The following IMMP2L variants were observed in gnomAD, a reference collection of about 807,000 sequenced individuals.
IMMP2L encodes the protein mitochondrial inner membrane protease subunit 2.
In IMMP2L, 18 loss-of-function variants were observed where a neutral mutation model predicts 19.3. The ratio of observed to expected loss-of-function variants is 0.93; its 90% CI spans 0.64 to 1.38. The LOEUF is 1.38. Ranked by LOEUF, IMMP2L falls within the 40% of genes most tolerant of loss-of-function variation. The pLI is 0.00. For missense variants in IMMP2L, 233 were observed against 218.2 expected (o/e 1.07, Z -0.43); for synonymous variants, 76 against 73.0 (o/e 1.04, Z -0.21).
intron 3 of IMMP2L, among the ~76,000 whole-genome samples, chr7:111,118,066 G>A (rs572780487): frequency 6.6e-6 from 1 of 152,026 alleles, no homozygotes; most frequent in Admixed American, 6.6e-5. Context: ...TGCTCCTTTT[G>A]GAGGAACAGA....
intron 4 of IMMP2L, among the ~76,000 whole-genome samples, chr7:110,890,126 G>T (rs1451954351): frequency 1.3e-5 from 2 of 152,032 alleles, no homozygotes; most frequent in Non-Finnish European, 2.9e-5. Flanking sequence ...TCTCCCTACG[G>T]TTGCACTGTG....
In IMMP2L at chr7:110,870,405, G is replaced by A. The variant is rs1808411901; in HGVS notation, c.408+16188C>T. 6.6e-6 allele frequency among the ~76,000 whole-genome samples: 1 copy of A among 152,112 alleles called. No homozygotes were observed. Among genetic ancestry groups the A allele is most frequent in the African/African-American group, 2.4e-5 (1 of 41,432 alleles). Reference sequence around the variant, plus strand: ...TGTAGTAGGTGCCTATTATGAGCCAGCCAGGCACTGTGCTACAGCAGTGAA... The same window carrying A: ...TGTAGTAGGTGCCTATTATGAGCCAACCAGGCACTGTGCTACAGCAGTGAA... On this transcript the variant is annotated intron_variant, in intron 5 of 5. Coordinates refer to ENST00000405709, the MANE Select transcript of IMMP2L (RefSeq NM_032549.4). This position sits in a 1 kb window ranked among gnomAD's most constrained non-coding sequence, Gnocchi z 4.2.
At chr7:111,271,056 C>A (rs143081908) in intron 3 of IMMP2L, among the ~76,000 whole-genome samples, 1 of 152,084 alleles carries the variant, frequency 6.6e-6, no homozygotes, top group African/African-American at 2.4e-5. Flanking sequence ...GGGAGGGACC[C>A]AATGGGAGGT....
intron 3 of IMMP2L, among the ~76,000 whole-genome samples, chr7:111,144,915 C>T (rs1401881929): frequency 6.6e-6 from 1 of 152,020 alleles, no homozygotes; most frequent in Non-Finnish European, 1.5e-5. Flanking sequence ...GAAAGCAAAA[C>T]ATGAATATTG....
At chr7:111,104,195 C>T (rs1798288109) in intron 3 of IMMP2L, among the ~76,000 whole-genome samples, 1 of 151,598 alleles carries the variant, frequency 6.6e-6, no homozygotes, top group African/African-American at 2.4e-5. Flanking sequence ...TTACTATTCG[C>T]ATCTTGAGCC....
At chr7:111,237,122 C>G (rs904256998) in intron 3 of IMMP2L, among the ~76,000 whole-genome samples, 1 of 151,996 alleles carries the variant, frequency 6.6e-6, no homozygotes, top group Non-Finnish European at 1.5e-5. Flanking sequence ...CTTAAATATC[C>G]TAGTTGATGG....
intron 3 of IMMP2L, among the ~76,000 whole-genome samples, chr7:111,443,493 G>C (rs1422771420): frequency 1.3e-5 from 2 of 152,062 alleles, no homozygotes; most frequent in Admixed American, 1.3e-4. Flanking sequence ...AAGCAGCTTG[G>C]TGCAGCTAAG....
At chr7:111,437,318 G>A (rs1440142109) in intron 3 of IMMP2L, among the ~76,000 whole-genome samples, 1 of 151,712 alleles carries the variant, frequency 6.6e-6, no homozygotes, top group East Asian at 1.9e-4. Flanking sequence ...CATGCCACAT[G>A]CCTGTAATCC....
rs913367687 is a variant in IMMP2L at position 110,870,642 on chromosome 7, C to A, written c.408+15951G>T. On this transcript the variant is annotated intron_variant, in intron 5 of 5. Transcript: ENST00000405709. The surrounding 1 kb of genome is among the most constrained non-coding windows in gnomAD (Gnocchi z 4.2). ...TCCCTGAAGTGGGGAAAATAAAGAG[C>A]CAACCACACAAAGACCTAAAGGAAG... is the stretch of plus-strand genomic sequence containing the variant. 6.6e-5 allele frequency among the ~76,000 whole-genome samples: 10 copies of A among 151,972 alleles called. No homozygotes were observed. The highest frequency in any genetic ancestry group is 2.2e-4 in the African/African-American group (9 of 41,366).
chr7:110,889,512 A>G (rs1335742768), intron 4 of IMMP2L, among the ~76,000 whole-genome samples: 1 of 152,170 alleles, frequency 6.6e-6, no homozygotes, highest in Non-Finnish European at 1.5e-5. Context: ...GGCGGGGCTC[A>G]GGCAGTAATG....
At chr7:111,049,116 T>G in intron 3 of IMMP2L, among the ~76,000 whole-genome samples, 1 of 27,022 alleles carries the variant, frequency 3.7e-5, no homozygotes, top group South Asian at 2.3e-3. Context: ...TTTATGATAC[T>G]TCTTTTTTTT....
intron 2 of IMMP2L, among the ~76,000 whole-genome samples, chr7:111,495,515 G>C (rs1843510931): frequency 1.3e-5 from 2 of 152,060 alleles, no homozygotes; most frequent in Admixed American, 1.3e-4. Flanking sequence ...ATTTTTATTT[G>C]TCCTACAAAC....
At chr7:111,060,672 C>T (rs544965582) in intron 3 of IMMP2L, among the ~76,000 whole-genome samples, 1 of 152,124 alleles carries the variant, frequency 6.6e-6, no homozygotes, top group Non-Finnish European at 1.5e-5. Flanking sequence ...AGTGTTTTTG[C>T]AAAAGATCTA....
At chr7:111,218,580 G>A (rs1812205514) in intron 3 of IMMP2L, among the ~76,000 whole-genome samples, 1 of 151,914 alleles carries the variant, frequency 6.6e-6, no homozygotes, top group Non-Finnish European at 1.5e-5. Flanking sequence ...TATACACTCA[G>A]CTAGATCTAA....
rs942090991 is a variant in IMMP2L, at chr7:110,870,827, C to A, written c.408+15766G>T. Among the ~76,000 whole-genome samples the A allele has an allele frequency of 6.6e-6, 1 of 152,142 alleles. No homozygotes were observed. Among genetic ancestry groups the A allele is most frequent in the Non-Finnish European group, 1.5e-5 (1 of 68,016 alleles). The stretch of plus-strand genomic sequence containing the variant: ...GTCAAGGGAATCAGAGAAAACTTAA[C>A]GCTTTTAATTCTAATAGCAACAGGA... On this transcript the variant is annotated intron_variant, in intron 5 of 5. Coordinates refer to ENST00000405709, the MANE Select transcript of IMMP2L (RefSeq NM_032549.4). The surrounding 1 kb of genome is among the most constrained non-coding windows in gnomAD (Gnocchi z 4.2).
At chr7:110,964,467 C>T (rs1420185524) in intron 3 of IMMP2L, among the ~76,000 whole-genome samples, 1 of 151,950 alleles carries the variant, frequency 6.6e-6, no homozygotes, top group African/African-American at 2.4e-5. Flanking sequence ...TTATAGAATT[C>T]AGAGCGCTAA....
intron 3 of IMMP2L, among the ~76,000 whole-genome samples, chr7:111,337,622 T>G (rs1826574955): frequency 6.6e-6 from 1 of 151,392 alleles, no homozygotes; most frequent in Non-Finnish European, 1.5e-5. Flanking sequence ...AAACCTAGAG[T>G]GTCTTAGTTA....
At chr7:111,011,820 C>A (rs1468324758) in intron 3 of IMMP2L, among the ~76,000 whole-genome samples, 1 of 152,038 alleles carries the variant, frequency 6.6e-6, no homozygotes, top group Non-Finnish European at 1.5e-5. Flanking sequence ...AGAAAATGTG[C>A]CTTGGGTGGG....
intron 3 of IMMP2L, among the ~76,000 whole-genome samples, chr7:111,059,641 T>C (rs908526765): frequency 2.6e-5 from 4 of 152,204 alleles, no homozygotes; most frequent in African/African-American, 9.7e-5. Flanking sequence ...CTTAATTTTA[T>C]ATATTTTAGC....
Sources: allele counts gnomAD v4.1 joint callset (sites outside exome capture counted in the v4.1 genomes callset), GRCh38; gene constraint gnomAD v4.1.1; non-coding constraint Gnocchi (gnomAD v3.1); transcripts MANE v1.5; gene names NCBI Gene and HGNC (gene_info 2026-07-23, HGNC 2026-07-21).